Variants in SECISBP2L observed in about 807,000 individuals in gnomAD.
The protein encoded by SECISBP2L is SECIS binding protein 2 like.
SECISBP2L carries 43 observed loss-of-function variants against 114.7 expected under a neutral mutation model. That is an observed-to-expected ratio of 0.38 (90% confidence interval 0.29 to 0.48). The LOEUF is 0.48. Among genes scored for constraint, SECISBP2L ranks in the 20% least tolerant of loss-of-function variants. SECISBP2L has a pLI of 0.98. For synonymous variants in SECISBP2L, 451 were observed against 439.7 expected, an observed-to-expected ratio of 1.03 and a Z score of -0.32; for missense variants, 1,136 against 1,301.1, an observed-to-expected ratio of 0.87 and a Z score of 1.95.
intron 11 of SECISBP2L, among the ~76,000 whole-genome samples, chr15:49,013,544 G>A (rs967531042): frequency 6.6e-6 from 1 of 152,058 alleles, no homozygotes; most frequent in African/African-American, 2.4e-5. Flanking sequence ...ATCCGCCCAC[G>A]CTGGCCTCCC....
At chr15:49,038,204 T>C (rs532234522) in intron 1 of SECISBP2L, among the ~76,000 whole-genome samples, 13 of 152,226 alleles carry the variant, frequency 8.5e-5, no homozygotes, top group African/African-American at 3.1e-4. Context: ...TGTCTATTTC[T>C]GTCCATTTCT....
In SECISBP2L at chr15:49,037,722, C is replaced by G. The variant is rs1364949871; in HGVS notation, c.72G>C (p.Lys24Asn). 2.8e-5 allele frequency: 45 copies of G among 1,611,594 alleles called. No homozygotes were observed. The highest frequency in any genetic ancestry group is 3.8e-5 in the Non-Finnish European group (45 of 1,178,416). ...TAGGGATCATAAATGTATCAGGACT[C>G]TTCTTCTGGGGAATAAATGGCTCCA... ...AEVEPFIPQKKSPDTFMIPMA... is the reference protein window; with the variant it reads ...AEVEPFIPQKNSPDTFMIPMA... Residue 24 changes from lysine (K) to asparagine (N), a missense_variant, in exon 2 of 18, where the codon AAG becomes AAC. By Grantham distance (94) the Lys-to-Asn change is moderately conservative. Coordinates refer to ENST00000559471, the MANE Select transcript of SECISBP2L (RefSeq NM_001193489.2).
intron 11 of SECISBP2L, among the ~76,000 whole-genome samples, chr15:49,014,997 C>T (rs1902508729): frequency 6.6e-6 from 1 of 151,850 alleles, no homozygotes; most frequent in Non-Finnish European, 1.5e-5. Flanking sequence ...TTAACAATCT[C>T]GTCTCCATAA....
chr15:49,011,599 G>T, intron 13 of SECISBP2L, 132 bp downstream of exon 13: 1 of 1,079,016 alleles, frequency 9.3e-7, no homozygotes, highest in South Asian at 1.7e-5. Flanking sequence ...AAACCACTCT[G>T]AAGAATAAAG....
At chr15:49,002,175 T>C (rs1346973065) in intron 14 of SECISBP2L, among the ~76,000 whole-genome samples, 1 of 152,232 alleles carries the variant, frequency 6.6e-6, no homozygotes, top group Admixed American at 6.5e-5. Context: ...TGGTATCTCA[T>C]TGTGGTTTTG....
intron 14 of SECISBP2L, among the ~76,000 whole-genome samples, chr15:49,003,474 T>C (rs1315170796): frequency 6.6e-6 from 1 of 152,204 alleles, no homozygotes; most frequent in Admixed American, 6.5e-5. Context: ...TCCAACACTA[T>C]GTTGAATAGG....
intron 6 of SECISBP2L, among the ~76,000 whole-genome samples, chr15:49,027,777 T>TTA (rs750068918): frequency 2.0e-5 from 3 of 152,034 alleles, no homozygotes; most frequent in Non-Finnish European, 2.9e-5. Context: ...TCCAGTTAAC[T>TTA]TTTTTGTATT....
chr15:49,042,894 G>T (rs1182818397), intron 1 of SECISBP2L, among the ~76,000 whole-genome samples: 1 of 152,140 alleles, frequency 6.6e-6, no homozygotes, highest in East Asian at 1.9e-4. Context: ...GCTGGGTGTG[G>T]TGGTGCACAC....
At position 48,988,798 on chromosome 15, in the gene SECISBP2L, GTTT is replaced by G. The variant is rs759908907; in HGVS notation, c.*3443_*3445del. On this transcript the variant is annotated 3_prime_UTR_variant, in exon 18 of 18. Coordinates refer to ENST00000559471, the MANE Select transcript of SECISBP2L (RefSeq NM_001193489.2). ...GTTATAACTCACACTAATTTTGCTAGTTTTTTATTAGAGCATTACAATTAAGAC... is the reference window on the plus strand; with the variant it reads ...GTTATAACTCACACTAATTTTGCTAGTTTATTAGAGCATTACAATTAAGAC... 108 of 225,074 alleles carry G rather than the reference GTTT, an allele frequency of 4.8e-4. 1 individual carries two copies. Among genetic ancestry groups the G allele is most frequent in the Admixed American group, 1.5e-3 (29 of 19,820 alleles). The allele number at this position is 225,074 out of a possible 1,614,324, so 13.9% of individuals were successfully genotyped here.
chr15:49,040,527 CTTTTTTTTTTTT>C (rs66527715), intron 1 of SECISBP2L, among the ~76,000 whole-genome samples: 3 of 63,186 alleles, frequency 4.7e-5, no homozygotes, highest in African/African-American at 1.9e-4. Context: ...CCAAACTATT[CTTTTTTTTTTTT>C]TTTTTTTTTT....
chr15:48,995,769 C>T (rs1022322730), intron 17 of SECISBP2L: 1 of 152,214 alleles, frequency 6.6e-6, no homozygotes, highest in Non-Finnish European at 1.5e-5. Flanking sequence ...ATTTTTTAGT[C>T]TGTATCTCTT....
At chr15:49,033,640 C>A (rs964106502) in intron 3 of SECISBP2L, among the ~76,000 whole-genome samples, 13 of 152,024 alleles carry the variant, frequency 8.6e-5, no homozygotes, top group African/African-American at 3.1e-4. Context: ...AGTTTGGGAC[C>A]AGCCTGGGCA....
At chr15:49,034,972 T>C (rs1374668121) in intron 3 of SECISBP2L, among the ~76,000 whole-genome samples, 2 of 152,116 alleles carry the variant, frequency 1.3e-5, no homozygotes, top group African/African-American at 4.8e-5. Flanking sequence ...CATTGAAATA[T>C]CTTGAAGTGC....
chr15:49,034,169 A>C (rs916193782), intron 3 of SECISBP2L, among the ~76,000 whole-genome samples: 1 of 152,198 alleles, frequency 6.6e-6, no homozygotes, highest in African/African-American at 2.4e-5. Context: ...TTATACGAGG[A>C]GGCAGCAAAG....
At chr15:48,994,913 TA>T (rs1368495905) in intron 17 of SECISBP2L, among the ~76,000 whole-genome samples, 1 of 151,584 alleles carries the variant, frequency 6.6e-6, no homozygotes, top group Non-Finnish European at 1.5e-5. Flanking sequence ...AAAAAAATTT[TA>T]AAGGCACAAA....
chr15:49,035,299 T>C (rs768604261), intron 3 of SECISBP2L, 35 bp downstream of exon 3: 2 of 1,577,400 alleles, frequency 1.3e-6, no homozygotes, highest in East Asian at 2.3e-5. Flanking sequence ...ATAAGTAATA[T>C]CAAATTTAAA....
At chr15:49,046,252 CG>C in intron 1 of SECISBP2L, 23 bp downstream of exon 1, 2 of 1,565,826 alleles carry the variant, frequency 1.3e-6, no homozygotes, top group South Asian at 1.2e-5. Flanking sequence ...CCCGGCTCGG[CG>C]GGCCCAGCCC....
intron 7 of SECISBP2L, among the ~76,000 whole-genome samples, chr15:49,021,245 C>T (rs947496226): frequency 6.6e-6 from 1 of 152,100 alleles, no homozygotes; most frequent in African/African-American, 2.4e-5. Flanking sequence ...GACTTCCCAC[C>T]CTCCAGAACT....
chr15:49,011,717 G>C lies in SECISBP2L; in HGVS notation c.1864+14C>G, dbSNP rs1451560579. 6.2e-7 allele frequency: 1 copy of C among 1,613,440 alleles called. No homozygotes were observed. Among genetic ancestry groups the C allele is most frequent in the Non-Finnish European group, 8.5e-7 (1 of 1,179,602 alleles). The stretch of plus-strand genomic sequence containing the variant: ...ACCATTCCATGAGAAGAGGAGAAAG[G>C]GGGAGCTCCTTACCTTCCTGGGAAA... On this transcript the variant is annotated intron_variant, in intron 13 of 17. Transcript: ENST00000559471.
Sources: allele counts gnomAD v4.1 joint callset (sites outside exome capture counted in the v4.1 genomes callset), GRCh38; gene constraint gnomAD v4.1.1; transcripts MANE v1.5; gene names NCBI Gene and HGNC (gene_info 2026-07-23, HGNC 2026-07-21).